Variants in ATP11C observed in about 807,000 individuals in gnomAD.
ATP11C encodes ATPase phospholipid transporting 11C (ATP11C blood group), also known as phospholipid-transporting ATPase IG.
A neutral mutation model predicts 97.4 loss-of-function variants in ATP11C; 36 were observed. The ratio of observed to expected loss-of-function variants is 0.37; its 90% CI spans 0.28 to 0.49. The LOEUF (loss-of-function observed/expected upper bound fraction) is 0.49. Ranked by LOEUF, ATP11C falls within the 20% of genes least tolerant of loss-of-function variation. ATP11C has a pLI of 0.98. For missense variants in ATP11C, 730 were observed against 824.6 expected, an observed-to-expected ratio of 0.89 and a Z score of 1.40; for synonymous variants, 275 against 290.9, an observed-to-expected ratio of 0.95 and a Z score of 0.56.
chrX:139,815,763 C>T (rs2147841497), intron 4 of ATP11C, among the ~76,000 whole-genome samples: 1 of 111,189 alleles, frequency 9.0e-6, no homozygotes, highest in East Asian at 2.8e-4. Flanking sequence ...TCAAACACAA[C>T]TGTTTGAAAA....
At chrX:139,836,221 A>T (rs1471690120) in intron 1 of ATP11C, among the ~76,000 whole-genome samples, 4 of 109,895 alleles carry the variant, frequency 3.6e-5, no homozygotes, top group Admixed American at 9.7e-5. Flanking sequence ...TGGAATAAAA[A>T]ATTGCAGGTT....
intron 1 of ATP11C, among the ~76,000 whole-genome samples, chrX:139,861,958 C>T (rs1021286386): frequency 9.0e-6 from 1 of 111,552 alleles, no homozygotes; most frequent in Non-Finnish European, 1.9e-5. Flanking sequence ...TCAACAGACA[C>T]TCATTCCAAA....
chrX:139,774,683 T>G lies in ATP11C; in HGVS notation c.2216+7A>C. ...TCTAAATATAAGAAACTGATGTACT[T>G]TCTTACTTTTTAAAGCTTCTAGTAC... On this transcript the variant is annotated splice_region_variant and intron_variant, in intron 19 of 29. Coordinates refer to ENST00000682941, the MANE Select transcript of ATP11C (RefSeq NM_001353812.2). 8.4e-7 allele frequency: 1 copy of G among 1,197,099 alleles called. No individual in the cohort carries two copies. The highest frequency in any genetic ancestry group is 1.8e-5 in the South Asian group (1 of 55,736).
At position 139,928,429 on chromosome X, in the gene ATP11C, A is replaced by G. The variant is rs200895623; in HGVS notation, c.27+3587T>C. Among the ~76,000 whole-genome samples the G allele has an allele frequency of 6.3e-5, 7 of 111,667 alleles. No individual in the cohort carries two copies. In the East Asian group the frequency reaches 2.0e-3, roughly 31 times the overall value. ...TAGTAAAGTGAAACAGAAAAAAAAAAATGTTTAATTACTCTGATAGTTTAA... is the reference window on the plus strand; with the variant it reads ...TAGTAAAGTGAAACAGAAAAAAAAAGATGTTTAATTACTCTGATAGTTTAA... On this transcript the variant is annotated intron_variant, in intron 1 of 29. Transcript: ENST00000682941.
chrX:139,823,062 C>CA (rs1287458616), intron 2 of ATP11C, among the ~76,000 whole-genome samples: 1 of 109,857 alleles, frequency 9.1e-6, no homozygotes, highest in African/African-American at 3.3e-5. Context: ...ATTAAAAACA[C>CA]AAAAAATTAG....
chrX:139,746,733 C>T (rs1408554207), intron 24 of ATP11C, among the ~76,000 whole-genome samples: 2 of 111,546 alleles, frequency 1.8e-5, no homozygotes, highest in Admixed American at 9.5e-5. Flanking sequence ...CCTTCTCAGC[C>T]TAAGTCAGAA....
intron 13 of ATP11C, among the ~76,000 whole-genome samples, chrX:139,788,733 A>G (rs2082629170): frequency 8.9e-6 from 1 of 112,267 alleles, no homozygotes; most frequent in Non-Finnish European, 1.9e-5. Flanking sequence ...TTGAACAGAC[A>G]TCATTCTTGG....
At chrX:139,816,503 C>T (rs1452489998) in intron 4 of ATP11C, among the ~76,000 whole-genome samples, 2 of 111,917 alleles carry the variant, frequency 1.8e-5, no homozygotes, top group African/African-American at 3.2e-5. Flanking sequence ...CTTGAGTTCT[C>T]GCTACAGGCT....
chrX:139,808,152 C>T (rs1226934384), intron 5 of ATP11C, among the ~76,000 whole-genome samples: 2 of 110,460 alleles, frequency 1.8e-5, no homozygotes, highest in Non-Finnish European at 3.8e-5. Context: ...GAAATAATCA[C>T]TAATTCTGAA....
intron 21 of ATP11C, 150 bp from the exon 22 acceptor site, chrX:139,762,256 T>G: frequency 2.4e-6 from 1 of 422,220 alleles, no homozygotes; most frequent in East Asian, 3.7e-5. Flanking sequence ...TCTTTAACAG[T>G]GACACTGAGA....
chrX:139,814,543 G>A (rs1299844808), intron 5 of ATP11C, among the ~76,000 whole-genome samples: 1 of 112,078 alleles, frequency 8.9e-6, no homozygotes. Flanking sequence ...CAAAAGGAAT[G>A]AAATGCTGCT....
chrX:139,743,719 G>C, intron 25 of ATP11C, 95 bp from the exon 26 acceptor site: 1 of 469,195 alleles, frequency 2.1e-6, no homozygotes, highest in Non-Finnish European at 3.4e-6. Flanking sequence ...AATCCTGTGT[G>C]TAAGTGCCAA....
upstream of ATP11C, among the ~76,000 whole-genome samples, chrX:139,934,380 C>CTTCTCTGCT (rs1415067499): frequency 9.1e-6 from 1 of 110,380 alleles, no homozygotes; most frequent in African/African-American, 3.3e-5. Context: ...CTTATGATTC[C>CTTCTCTGCT]TTCTCTGCTC....
intron 1 of ATP11C, among the ~76,000 whole-genome samples, chrX:139,847,047 C>T (rs2083919613): frequency 9.0e-6 from 1 of 110,773 alleles, no homozygotes; most frequent in African/African-American, 3.3e-5. Context: ...ACTCCACATA[C>T]ATGACCTAAT....
intron 1 of ATP11C, among the ~76,000 whole-genome samples, chrX:139,931,287 T>G (rs1936670041): frequency 2.7e-5 from 3 of 110,486 alleles, no homozygotes; most frequent in African/African-American, 9.9e-5. Flanking sequence ...GACGGAGGAG[T>G]CCAGTCACAG....
chrX:139,879,737 G>C (rs1359899274), intron 1 of ATP11C, among the ~76,000 whole-genome samples: 1 of 112,033 alleles, frequency 8.9e-6, no homozygotes, highest in Non-Finnish European at 1.9e-5. Context: ...TTTCAAAAAA[G>C]AATACCCATT....
chrX:139,821,230 G>A (rs1009758040), intron 2 of ATP11C, among the ~76,000 whole-genome samples: 21 of 111,743 alleles, frequency 1.9e-4, no homozygotes, highest in African/African-American at 6.8e-4. Flanking sequence ...AAGTTCCTTA[G>A]GGAAGATAAT....
chrX:139,918,065 G>C lies in ATP11C; in HGVS notation c.27+13951C>G, dbSNP rs372318611. Reference sequence around the variant, plus strand: ...CTTAATGGGAATGTAAAATGATGTAGCCACTGTTGAAAACAGTACAGAAGT... The same window carrying C: ...CTTAATGGGAATGTAAAATGATGTACCCACTGTTGAAAACAGTACAGAAGT... On this transcript the variant is annotated intron_variant, in intron 1 of 29. Coordinates refer to ENST00000682941, the MANE Select transcript of ATP11C (RefSeq NM_001353812.2). Among the ~76,000 whole-genome samples, 5 of 109,152 alleles carry C rather than the reference G, an allele frequency of 4.6e-5. No homozygotes were observed. The East Asian group carries it at 1.1e-3, about 25-fold the overall frequency. 94.8% of individuals were successfully genotyped at this position (109,152 alleles called of 115,157 possible). A position where few individuals can be genotyped will look rare whatever the true frequency, so the allele number is the denominator to read the frequency against.
chrX:139,800,012 G>C, intron 8 of ATP11C, 48 bp downstream of exon 8: 1 of 774,263 alleles, frequency 1.3e-6, no homozygotes, highest in Non-Finnish European at 1.9e-6. Context: ...CAGAAAAATA[G>C]ACCCCCCCCC....
Sources: allele counts gnomAD v4.1 joint callset (sites outside exome capture counted in the v4.1 genomes callset), GRCh38; gene constraint gnomAD v4.1.1; transcripts MANE v1.5; gene names NCBI Gene and HGNC (gene_info 2026-07-23, HGNC 2026-07-21).